Variants in TLL1 observed in about 807,000 individuals in gnomAD.
The protein encoded by TLL1 is tolloid like 1.
In TLL1, 49 loss-of-function variants were observed where a neutral mutation model predicts 128.2. The observed-to-expected ratio is 0.38, with a 90% CI of 0.30 to 0.48. The LOEUF is 0.48. Ranked by LOEUF, TLL1 falls within the 20% of genes least tolerant of loss-of-function variation. The probability of loss-of-function intolerance (pLI) is 0.96; values close to 1 mark genes in which losing one functional copy is unlikely to be tolerated. For missense variants in TLL1, 1,123 were observed against 1,242.0 expected, an observed-to-expected ratio of 0.90 and a Z score of 1.44; for synonymous variants, 454 against 418.8, an observed-to-expected ratio of 1.08 and a Z score of -1.03.
chr4:166,077,113 G>A (rs964111190), intron 17 of TLL1, among the ~76,000 whole-genome samples: 1 of 152,094 alleles, frequency 6.6e-6, no homozygotes, highest in African/African-American at 2.4e-5. Flanking sequence ...AAGGTTGTAT[G>A]TTATAGAGCT....
chr4:165,994,511 TG>T lies in TLL1; in HGVS notation c.493del (p.Val165LeufsTer2). On this transcript the variant is annotated frameshift_variant, in exon 4 of 21. Transcript: ENST00000061240. LOFTEE classifies it high-confidence loss of function. ...RIWPGGVIPYVIGGNFTGSQR... is the reference protein window; with the variant it reads ...RIWPGGVIPYXIGGNFTGSQR... ...TATGGCCTGGAGGCGTTATTCCTTATGTTATAGGAGGAAACTTCACTGGTAA... is the reference window on the plus strand; with the variant it reads ...TATGGCCTGGAGGCGTTATTCCTTATTTATAGGAGGAAACTTCACTGGTAA... 6.2e-7 allele frequency: 1 copy of T among 1,614,004 alleles called. No homozygotes were observed. Among genetic ancestry groups the T allele is most frequent in the Non-Finnish European group, 8.5e-7 (1 of 1,179,912 alleles).
At position 166,043,331 on chromosome 4, in the gene TLL1, C is replaced by T. The variant is rs753155516; in HGVS notation, c.1436C>T (p.Pro479Leu). ...GGACAGATTCAGTCTCCCAATTATC[C>T]TGATGACTATCGCCCGATGAAAGAA... is the stretch of plus-strand genomic sequence containing the variant. ...NEGQIQSPNY[P>L]DDYRPMKECV... The change falls in exon 12 of 21, where the codon CCT becomes CTT. Residue 479 changes from proline to leucine, a missense_variant. Physicochemically the swap from Pro to Leu is moderately conservative, Grantham distance 98 (BLOSUM62 -3). Around this residue, in one of 3 missense-constraint regions of TLL1, gnomAD observed 634 missense variants for 672.4 expected, o/e 0.94. Transcript: ENST00000061240. 6.2e-7 allele frequency: 1 copy of T among 1,614,012 alleles called. No individual in the cohort carries two copies. Among genetic ancestry groups the T allele is most frequent in the Non-Finnish European group, 8.5e-7 (1 of 1,180,012 alleles).
At chr4:166,024,560 T>C in intron 8 of TLL1, among the ~76,000 whole-genome samples, 1 of 152,186 alleles carries the variant, frequency 6.6e-6, no homozygotes, top group Non-Finnish European at 1.5e-5. Flanking sequence ...GGAAGCCCGT[T>C]GTAGAATGGT....
chr4:165,993,910 A>G (rs1029610431), intron 3 of TLL1, among the ~76,000 whole-genome samples: 1 of 152,132 alleles, frequency 6.6e-6, no homozygotes, highest in African/African-American at 2.4e-5. Flanking sequence ...CTACCTGTAT[A>G]ATATAGTATT....
intron 1 of TLL1, among the ~76,000 whole-genome samples, chr4:165,896,636 C>G (rs549009099): frequency 2.0e-5 from 3 of 151,980 alleles, no homozygotes; most frequent in Non-Finnish European, 4.4e-5. Flanking sequence ...GCACCCACCA[C>G]CATGTGCGGC....
At chr4:165,883,887 ACT>A (rs1359815529) in intron 1 of TLL1, among the ~76,000 whole-genome samples, 11 of 152,192 alleles carry the variant, frequency 7.2e-5, no homozygotes, top group African/African-American at 2.7e-4. Flanking sequence ...TGCCTAATAC[ACT>A]CAAAATATAT....
Position 165,873,831 on chromosome 4 carries a change from C to G in TLL1, c.-74C>G. Reference sequence around the variant, plus strand: ...GGGAGAAGAGCACCGGTGCCCCTAGCCCCGCACATCAGCGCGGACCGCGGC... The same window carrying G: ...GGGAGAAGAGCACCGGTGCCCCTAGGCCCGCACATCAGCGCGGACCGCGGC... On this transcript the variant is annotated 5_prime_UTR_variant, in exon 1 of 21. Transcript: ENST00000061240. 6.4e-7 allele frequency: 1 copy of G among 1,567,234 alleles called. No individual in the cohort carries two copies. The highest frequency in any genetic ancestry group is 8.8e-7 in the Non-Finnish European group (1 of 1,141,154).
At chr4:166,002,898 C>T (rs1737236332) in intron 5 of TLL1, among the ~76,000 whole-genome samples, 1 of 152,058 alleles carries the variant, frequency 6.6e-6, no homozygotes, top group South Asian at 2.1e-4. Flanking sequence ...GAAAAATAAA[C>T]TTTCTTTACT....
intron 1 of TLL1, among the ~76,000 whole-genome samples, chr4:165,913,496 C>T (rs1212558112): frequency 6.6e-6 from 1 of 152,130 alleles, no homozygotes; most frequent in African/African-American, 2.4e-5. Flanking sequence ...CAAAGCTGAT[C>T]CTTTTTAGGT....
rs147825878 is a variant in TLL1 at position 166,091,177 on chromosome 4, A to T, written c.2492A>T (p.His831Leu). 16 of 1,613,182 alleles carry T rather than the reference A, an allele frequency of 9.9e-6. No individual in the cohort carries two copies. The South Asian group carries it at 1.6e-4, about 17-fold the overall frequency. ...CAGCATCAAGAATGTGCTTATGACC[A>T]CTTAGAAGTATTTGATGGAGAAACA... Reference protein sequence around the residue: ...IEQHQECAYDHLEVFDGETEK... With the variant: ...IEQHQECAYDLLEVFDGETEK... Residue 831 changes from histidine to leucine, a missense_variant, in exon 19 of 21, where the codon CAC (histidine) becomes CTC (leucine). His to Leu is a moderately conservative substitution (Grantham distance 99). Coordinates refer to ENST00000061240, the MANE Select transcript of TLL1 (RefSeq NM_012464.5).
intron 17 of TLL1, among the ~76,000 whole-genome samples, chr4:166,075,379 A>G (rs1407074556): frequency 1.3e-5 from 2 of 152,188 alleles, no homozygotes; most frequent in Admixed American, 6.5e-5. Context: ...AATATCTTGT[A>G]TATCTTGTGC....
At chr4:165,909,128 A>C (rs1458767811) in intron 1 of TLL1, among the ~76,000 whole-genome samples, 1 of 151,382 alleles carries the variant, frequency 6.6e-6, no homozygotes, top group Non-Finnish European at 1.5e-5. Flanking sequence ...CAGAGGTTTC[A>C]GTGAGCAGAG....
intron 1 of TLL1, among the ~76,000 whole-genome samples, chr4:165,975,612 T>C (rs1283020381): frequency 6.6e-6 from 1 of 152,128 alleles, no homozygotes; most frequent in Non-Finnish European, 1.5e-5. Context: ...ATATTATGGG[T>C]TAGATCTCTT....
intron 1 of TLL1, among the ~76,000 whole-genome samples, chr4:165,969,866 C>T (rs1302233408): frequency 2.0e-5 from 3 of 152,070 alleles, no homozygotes; most frequent in Non-Finnish European, 4.4e-5. Flanking sequence ...TATGTATTCT[C>T]ACTTGGACAC....
In TLL1 at chr4:165,989,176, T is replaced by TA. The variant is rs553810272; in HGVS notation, c.170-198dup. On this transcript the variant is annotated intron_variant, in intron 1 of 20. Transcript: ENST00000061240. ...TTCCCCCTCTCCACAAGCAACAATGTAAAAAAATGGAGTTATGCCCTTTTA... is the reference window on the plus strand; with the variant it reads ...TTCCCCCTCTCCACAAGCAACAATGTAAAAAAAATGGAGTTATGCCCTTTTA... 3.6e-3 allele frequency among the ~76,000 whole-genome samples: 547 copies of TA among 152,116 alleles called. 5 individuals carry two copies. Among genetic ancestry groups the TA allele is most frequent in the African/African-American group, 0.012 (514 of 41,520 alleles).
At chr4:166,045,619 C>T (rs1350357639) in intron 12 of TLL1, among the ~76,000 whole-genome samples, 2 of 152,076 alleles carry the variant, frequency 1.3e-5, no homozygotes, top group African/African-American at 4.8e-5. Flanking sequence ...TATGACACTG[C>T]GCTACTGACA....
At chr4:165,963,344 A>G (rs1735211034) in intron 1 of TLL1, among the ~76,000 whole-genome samples, 1 of 152,148 alleles carries the variant, frequency 6.6e-6, no homozygotes, top group Non-Finnish European at 1.5e-5. Flanking sequence ...GAACAAAAAA[A>G]GAAAAGAACT....
intron 12 of TLL1, among the ~76,000 whole-genome samples, chr4:166,052,965 G>GTGTGTGTGTATA: frequency 8.0e-5 from 8 of 99,700 alleles, no homozygotes; most frequent in African/African-American, 3.0e-4. Flanking sequence ...GAGGTTATGT[G>GTGTGTGTGTATA]TATATATATA....
chr4:165,904,011 A>G (rs1410435563), intron 1 of TLL1, among the ~76,000 whole-genome samples: 1 of 152,048 alleles, frequency 6.6e-6, no homozygotes, highest in African/African-American at 2.4e-5. Flanking sequence ...AACAAACGCT[A>G]GTTTCTTGTT....
Sources: gnomAD v4.1 joint callset for allele counts (sites outside exome capture counted in the v4.1 genomes callset) on GRCh38, gnomAD v4.1.1 for gene constraint, gnomAD v4.1.1 regional missense constraint, MANE v1.5 for transcripts, NCBI Gene and HGNC (gene_info 2026-07-23, HGNC 2026-07-21) for gene names.